TSPAN5: variants seen among roughly 807,000 people sequenced by gnomAD.
TSPAN5 encodes the protein tetraspanin 5.
In TSPAN5, 10 loss-of-function variants were observed where a neutral mutation model predicts 37.1. The ratio of observed to expected loss-of-function variants is 0.27; its 90% CI spans 0.17 to 0.46. The LOEUF (loss-of-function observed/expected upper bound fraction) is 0.46, where lower values mean the gene tolerates loss of function less well. Among genes scored for constraint, TSPAN5 ranks in the 20% least tolerant of loss-of-function variants. TSPAN5 has a pLI of 1.00. For missense variants in TSPAN5, 195 were observed against 326.6 expected, an observed-to-expected ratio of 0.60 and a Z score of 3.11; for synonymous variants, 110 against 118.9, an observed-to-expected ratio of 0.93 and a Z score of 0.48.
intron 1 of TSPAN5, among the ~76,000 whole-genome samples, chr4:98,630,778 A>G (rs1479289753): frequency 6.6e-6 from 1 of 152,224 alleles, no homozygotes; most frequent in Non-Finnish European, 1.5e-5. Context: ...CTGAATTTGA[A>G]GCCCTCCTCC....
chr4:98,577,674 A>G (rs1755270603), intron 1 of TSPAN5, among the ~76,000 whole-genome samples: 1 of 152,250 alleles, frequency 6.6e-6, no homozygotes, highest in Non-Finnish European at 1.5e-5. Context: ...AGAGAAAGAA[A>G]AGAGAAGCAA....
At chr4:98,484,897 G>C in intron 3 of TSPAN5, 1 of 210,496 alleles carries the variant, frequency 4.8e-6, no homozygotes, top group Non-Finnish European at 9.7e-6. Flanking sequence ...TGGATCACCT[G>C]AGGTCGGGAG....
intron 1 of TSPAN5, among the ~76,000 whole-genome samples, chr4:98,580,928 C>T (rs1255904959): frequency 6.6e-6 from 1 of 152,096 alleles, no homozygotes; most frequent in African/African-American, 2.4e-5. Flanking sequence ...AAGATTCTGG[C>T]TAGATCTCCA....
chr4:98,548,892 T>G lies in TSPAN5; in HGVS notation c.82-41164A>C, dbSNP rs1374321452. Among the ~76,000 whole-genome samples the G allele has an allele frequency of 1.4e-3, 203 of 144,218 alleles. 1 individual carries two copies. Among genetic ancestry groups the G allele is most frequent in the Admixed American group, 2.9e-3 (42 of 14,516 alleles). 94.6% of individuals were successfully genotyped at this position (144,218 alleles called of 152,430 possible). ...TCGCTGCATAGTATTCCAAGGTGTG[T>G]GTGTGTGTGTGTGTGTGTGTGTGTG... On this transcript the variant is annotated intron_variant, in intron 1 of 7. Transcript: ENST00000305798.
At chr4:98,641,133 GA>G (rs1756955678) in intron 1 of TSPAN5, among the ~76,000 whole-genome samples, 1 of 151,962 alleles carries the variant, frequency 6.6e-6, no homozygotes, top group African/African-American at 2.4e-5. Context: ...TTAAATCACA[GA>G]AATAAAAAAG....
chr4:98,561,431 TA>T (rs1231434491), intron 1 of TSPAN5, among the ~76,000 whole-genome samples: 1 of 152,226 alleles, frequency 6.6e-6, no homozygotes, highest in Non-Finnish European at 1.5e-5. Context: ...GTCATATCCC[TA>T]GGACCTGGCA....
intron 1 of TSPAN5, among the ~76,000 whole-genome samples, chr4:98,641,228 C>T (rs28732372): frequency 0.21 from 31,811 of 152,164 alleles, 3,626 homozygotes; most frequent in Middle Eastern, 0.29. Flanking sequence ...TGGATACCTG[C>T]ATTCTGTAAC....
At chr4:98,631,117 CA>C (rs1205979691) in intron 1 of TSPAN5, among the ~76,000 whole-genome samples, 1 of 152,182 alleles carries the variant, frequency 6.6e-6, no homozygotes, top group Non-Finnish European at 1.5e-5. Context: ...AATCCAAATT[CA>C]GCCTGTTGTA....
At position 98,544,269 on chromosome 4, in the gene TSPAN5, G is replaced by A. The variant is rs1307189356; in HGVS notation, c.82-36541C>T. Among the ~76,000 whole-genome samples, 4 of 152,288 alleles carry A rather than the reference G, an allele frequency of 2.6e-5. No homozygotes were observed. In the East Asian group the frequency reaches 7.7e-4, roughly 29 times the overall value. The stretch of plus-strand genomic sequence containing the variant: ...TAAACATATCTTGCACATGGCAGAC[G>A]TAAGCTCTGGAATGTGCCCTCAATT... On this transcript the variant is annotated intron_variant, in intron 1 of 7. Transcript: ENST00000305798.
At chr4:98,547,939 A>G (rs1002217483) in intron 1 of TSPAN5, among the ~76,000 whole-genome samples, 1 of 146,676 alleles carries the variant, frequency 6.8e-6, no homozygotes, top group African/African-American at 2.5e-5. Context: ...CTGGAGGTAG[A>G]GGCTGCAGTG....
intron 1 of TSPAN5, among the ~76,000 whole-genome samples, chr4:98,585,778 G>A (rs905808233): frequency 6.6e-6 from 1 of 152,210 alleles, no homozygotes. Flanking sequence ...TTCTAGTCTA[G>A]ACTGCCCCAA....
intron 1 of TSPAN5, among the ~76,000 whole-genome samples, chr4:98,629,103 T>G (rs6832517): frequency 6.6e-6 from 1 of 152,024 alleles, no homozygotes; most frequent in Non-Finnish European, 1.5e-5. Flanking sequence ...AAGGAAAAAA[T>G]GCTTATAAAC....
intron 1 of TSPAN5, among the ~76,000 whole-genome samples, chr4:98,516,282 G>A (rs1470174893): frequency 6.6e-6 from 1 of 152,208 alleles, no homozygotes; most frequent in Non-Finnish European, 1.5e-5. Flanking sequence ...TGAATACCAG[G>A]CTGGGCCAGA....
At chr4:98,591,513 A>G (rs1167343719) in intron 1 of TSPAN5, among the ~76,000 whole-genome samples, 1 of 81,602 alleles carries the variant, frequency 1.2e-5, no homozygotes. Context: ...GCTACTAAAC[A>G]CTTGATATGT....
chr4:98,554,079 AT>A (rs199608376), intron 1 of TSPAN5, among the ~76,000 whole-genome samples: 6 of 151,794 alleles, frequency 4.0e-5, no homozygotes, highest in East Asian at 1.9e-4. Context: ...AAAAAAATAA[AT>A]TAAAAAAAAA....
intron 1 of TSPAN5, among the ~76,000 whole-genome samples, chr4:98,657,126 T>C (rs1219906475): frequency 6.6e-6 from 1 of 152,166 alleles, no homozygotes; most frequent in East Asian, 1.9e-4. Context: ...AACATGGTCT[T>C]TGAACCAACG....
chr4:98,547,045 T>C (rs1312824747), intron 1 of TSPAN5, among the ~76,000 whole-genome samples: 2 of 151,648 alleles, frequency 1.3e-5, no homozygotes, highest in Admixed American at 1.3e-4. Context: ...ACAGCTTGAG[T>C]TTGCTGGGGA....
At chr4:98,569,952 G>A (rs1755084523) in intron 1 of TSPAN5, among the ~76,000 whole-genome samples, 1 of 152,204 alleles carries the variant, frequency 6.6e-6, no homozygotes, top group South Asian at 2.1e-4. Context: ...ACATGGTCCA[G>A]TGGTGTTGGC....
chr4:98,575,443 C>T (rs896370356), intron 1 of TSPAN5, among the ~76,000 whole-genome samples: 2 of 150,890 alleles, frequency 1.3e-5, no homozygotes, highest in African/African-American at 4.9e-5. Context: ...CAGATCTAAG[C>T]TCTTCAATAC....
Sources: allele counts gnomAD v4.1 joint callset (sites outside exome capture counted in the v4.1 genomes callset), GRCh38; gene constraint gnomAD v4.1.1; transcripts MANE v1.5; gene names NCBI Gene and HGNC (gene_info 2026-07-23, HGNC 2026-07-21).